Variants in TM9SF3 observed in about 807,000 individuals in gnomAD.
TM9SF3 encodes SM-11044-binding protein.
TM9SF3 carries 14 observed loss-of-function variants against 78.6 expected under a neutral mutation model. That is an observed-to-expected ratio of 0.18 (90% CI 0.12 to 0.28). TM9SF3 has a LOEUF of 0.28. Among genes scored for constraint, TM9SF3 ranks in the 10% least tolerant of loss-of-function variants. The pLI is 1.00. For missense variants in TM9SF3, 496 were observed against 721.9 expected, an observed-to-expected ratio of 0.69 and a Z score of 3.59; for synonymous variants, 231 against 241.7, an observed-to-expected ratio of 0.96 and a Z score of 0.41.
At chr10:96,584,954 CAAA>C (rs1366358536) in intron 1 of TM9SF3, among the ~76,000 whole-genome samples, 1 of 152,142 alleles carries the variant, frequency 6.6e-6, no homozygotes, top group Admixed American at 6.5e-5. Context: ...TGGCAGTCAA[CAAA>C]AACCTTTTAT....
intron 3 of TM9SF3, 98 bp from the exon 4 acceptor site, chr10:96,562,236 T>A (rs1848318179): frequency 2.2e-6 from 2 of 917,156 alleles, no homozygotes. Context: ...TTTTTTTTTT[T>A]ACCTCCGCCC....
At position 96,536,344 on chromosome 10, in the gene TM9SF3, A is replaced by G. The variant is rs78978200; in HGVS notation, c.1186-3154T>C. On this transcript the variant is annotated intron_variant, in intron 9 of 14. Coordinates refer to ENST00000371142, the MANE Select transcript of TM9SF3 (RefSeq NM_020123.4). ...GACAACAAAAAGAAATAACAGACAT[A>G]CAGATCAAAAAAGAGAAGTGAAACT... Among the ~76,000 whole-genome samples, 1,211 of 152,296 alleles carry G rather than the reference A, an allele frequency of 8.0e-3. 20 individuals are homozygous for G. The highest frequency in any genetic ancestry group is 0.028 in the African/African-American group (1,160 of 41,558).
intron 9 of TM9SF3, among the ~76,000 whole-genome samples, chr10:96,538,890 A>G (rs908741442): frequency 7.2e-5 from 11 of 152,242 alleles, no homozygotes; most frequent in Non-Finnish European, 1.6e-4. Context: ...GATGTGGAAC[A>G]ATTGGAATTT....
At chr10:96,572,921 AG>A (rs1167458252) in intron 2 of TM9SF3, among the ~76,000 whole-genome samples, 48 of 149,208 alleles carry the variant, frequency 3.2e-4, no homozygotes, top group African/African-American at 1.2e-3. Context: ...ATCCTGTATT[AG>A]AGTTAGACTA....
rs998252369 is a variant in TM9SF3 at position 96,586,956 on chromosome 10, G to C, written c.-121C>G. 1.3e-6 allele frequency: 1 copy of C among 795,220 alleles called. No individual in the cohort carries two copies. Among genetic ancestry groups the C allele is most frequent in the African/African-American group, 1.9e-5 (1 of 53,862 alleles). 49.3% of individuals were successfully genotyped at this position (795,220 alleles called of 1,614,324 possible). On this transcript the variant is annotated 5_prime_UTR_variant, in exon 1 of 15. Transcript: ENST00000371142. The stretch of plus-strand genomic sequence containing the variant: ...CCACGGGGCGCGGACAGACGCACGG[G>C]GCCCGGCCCAGCCGCTGCCTCCTCT...
At chr10:96,543,539 C>T (rs186796319) in intron 9 of TM9SF3, 209 of 151,846 alleles carry the variant, frequency 1.4e-3, no homozygotes, top group East Asian at 2.5e-3. Flanking sequence ...AGGGTTTCAC[C>T]GTGTTAGCCA....
At chr10:96,552,467 T>C (rs977954662) in intron 6 of TM9SF3, among the ~76,000 whole-genome samples, 3 of 152,184 alleles carry the variant, frequency 2.0e-5, no homozygotes, top group Admixed American at 2.0e-4. Context: ...TGATACAGTA[T>C]ACCTATACCG....
chr10:96,543,063 T>C (rs2134138289), intron 9 of TM9SF3, among the ~76,000 whole-genome samples: 1 of 152,326 alleles, frequency 6.6e-6, no homozygotes, highest in Middle Eastern at 3.4e-3. Context: ...TTAAAAGCAG[T>C]AACCACCCTG....
intron 11 of TM9SF3, 30 bp downstream of exon 11, chr10:96,530,510 T>C: frequency 6.4e-7 from 1 of 1,573,266 alleles, no homozygotes; most frequent in Non-Finnish European, 8.7e-7. Context: ...ATCAAATCCC[T>C]CAAAACATAA....
Position 96,522,135 on chromosome 10 carries a change from A to G in TM9SF3, c.*128T>C, listed in dbSNP as rs573138755. On this transcript the variant is annotated 3_prime_UTR_variant, in exon 15 of 15. Transcript: ENST00000371142. ...AGATGTTACTTTAAGCCACCGACGA[A>G]AGAGAGACCCACAAAGTACCCAGTG... The G allele has an allele frequency of 2.2e-3, 1,662 of 744,642 alleles. 2 individuals are homozygous for G. Among genetic ancestry groups the G allele is most frequent in the Middle Eastern group, 5.1e-3 (22 of 4,320 alleles). The allele number at this position is 744,642 out of a possible 1,614,324, so 46.1% of individuals were successfully genotyped here.
Position 96,522,258 on chromosome 10 carries a change from G to T in TM9SF3, c.*5C>A. 6.3e-7 allele frequency: 1 copy of T among 1,594,692 alleles called. No individual in the cohort carries two copies. Among genetic ancestry groups the T allele is most frequent in the Non-Finnish European group, 8.5e-7 (1 of 1,172,528 alleles). On this transcript the variant is annotated 3_prime_UTR_variant, in exon 15 of 15. Coordinates refer to ENST00000371142, the MANE Select transcript of TM9SF3 (RefSeq NM_020123.4). Reference sequence around the variant, plus strand: ...TGATCCAAAGTTCCAGGTTTTCTTGGGTCTCTAGTCAATTTTCACATTAGT... The same window carrying T: ...TGATCCAAAGTTCCAGGTTTTCTTGTGTCTCTAGTCAATTTTCACATTAGT...
chr10:96,561,966 T>C lies in TM9SF3; in HGVS notation c.582+12A>G, dbSNP rs142702830. On this transcript the variant is annotated intron_variant, in intron 4 of 14. Transcript: ENST00000371142. ...AACACTACTTCCTACATTAAACTAT[T>C]TGAATACTTACTGAATATGACATCT... The C allele has an allele frequency of 1.5e-5, 24 of 1,603,850 alleles. No homozygotes were observed. Among genetic ancestry groups the C allele is most frequent in the Admixed American group, 1.2e-4 (7 of 56,756 alleles).
intron 3 of TM9SF3, among the ~76,000 whole-genome samples, chr10:96,563,849 C>A (rs1478235142): frequency 6.7e-6 from 1 of 150,086 alleles, no homozygotes; most frequent in Non-Finnish European, 1.5e-5. Context: ...TTTTTTCTGA[C>A]AAGGATTCTC....
rs775445442 is a variant in TM9SF3 at position 96,576,761 on chromosome 10, T to C, written c.171A>G (p.Thr57=). Residue 57 remains threonine (T), a synonymous_variant, in exon 2 of 15, where the codon ACA becomes ACG. Coordinates refer to ENST00000371142, the MANE Select transcript of TM9SF3 (RefSeq NM_020123.4). ...AGAATGGAAGTGAAAAGTACTTATA[T>C]GTTTCTTGACGATTATGGTAGGGCC... The part of the protein sequence containing the change: ...TVGPYHNRQE[T]YKYFSLPFCV... The C allele has an allele frequency of 4.4e-6, 7 of 1,607,316 alleles. No individual in the cohort carries two copies. The highest frequency in any genetic ancestry group is 1.7e-4 in the Middle Eastern group (1 of 6,060).
chr10:96,569,054 G>A (rs1028734673), intron 2 of TM9SF3, among the ~76,000 whole-genome samples: 3 of 152,118 alleles, frequency 2.0e-5, no homozygotes, highest in African/African-American at 7.2e-5. Context: ...CAGGCATGGT[G>A]GTGTGTGCCT....
chr10:96,522,129 C>T lies in TM9SF3; in HGVS notation c.*134G>A, dbSNP rs1001634658. 3.9e-5 allele frequency: 27 copies of T among 692,762 alleles called. No homozygotes were observed. Among genetic ancestry groups the T allele is most frequent in the African/African-American group, 3.2e-4 (17 of 52,490 alleles). The allele number at this position is 692,762 out of a possible 1,614,324, so 42.9% of individuals were successfully genotyped here. On this transcript the variant is annotated 3_prime_UTR_variant, in exon 15 of 15. Transcript: ENST00000371142. ...GGAAATAGATGTTACTTTAAGCCAC[C>T]GACGAAAGAGAGACCCACAAAGTAC...
In TM9SF3 at chr10:96,576,655, C is replaced by G; in HGVS notation, c.277G>C (p.Gly93Arg). The G allele has an allele frequency of 6.3e-7, 1 of 1,596,700 alleles. No homozygotes were observed. Among genetic ancestry groups the G allele is most frequent in the Non-Finnish European group, 8.5e-7 (1 of 1,174,522 alleles). The change falls in exon 2 of 15, where the codon GGT becomes CGT. Residue 93 changes from glycine (G) to arginine (R), a missense_variant. Gly to Arg is a moderately radical substitution (Grantham distance 125). This residue lies in a region of TM9SF3 where 155 missense variants were observed against 241.6 expected (regional missense o/e 0.64). Transcript: ENST00000371142. ...TTACCTTTAAATTTAATATCCAGAC[C>G]ACTAAATTCCAATTCAACCCCTTGA... ...ALQGVELEFS[G>R]LDIKFKDDVM...
At chr10:96,580,271 T>TGC (rs1049429128) in intron 1 of TM9SF3, among the ~76,000 whole-genome samples, 11 of 152,148 alleles carry the variant, frequency 7.2e-5, no homozygotes, top group African/African-American at 2.4e-4. Flanking sequence ...TCTTTGTGTG[T>TGC]GTGTGTGTGT....
chr10:96,554,697 C>A (rs1048033810), intron 5 of TM9SF3, among the ~76,000 whole-genome samples: 2 of 152,078 alleles, frequency 1.3e-5, no homozygotes, highest in Admixed American at 6.6e-5. Flanking sequence ...AATTGCTAGT[C>A]TTCTTTCTCA....
Sources: gnomAD v4.1 joint callset for allele counts (sites outside exome capture counted in the v4.1 genomes callset) on GRCh38, gnomAD v4.1.1 for gene constraint, gnomAD v4.1.1 regional missense constraint, MANE v1.5 for transcripts, NCBI Gene and HGNC (gene_info 2026-07-23, HGNC 2026-07-21) for gene names.